SLC24A2: variants seen among roughly 807,000 people sequenced by gnomAD.
SLC24A2 encodes solute carrier family 24 member 2, also known as sodium/potassium/calcium exchanger 2.
Under a neutral mutation model 62.0 loss-of-function variants are expected in SLC24A2, and 36 were observed. The observed-to-expected ratio is 0.58, with a 90% CI of 0.44 to 0.77. SLC24A2 has a LOEUF of 0.77. Ranked by LOEUF, SLC24A2 falls within the 30% of genes least tolerant of loss-of-function variation. SLC24A2 has a pLI of 0.00. For synonymous variants in SLC24A2, 358 were observed against 294.0 expected, an observed-to-expected ratio of 1.22 and a Z score of -2.23; for missense variants, 846 against 817.9, an observed-to-expected ratio of 1.03 and a Z score of -0.42.
intron 8 of SLC24A2, among the ~76,000 whole-genome samples, chr9:19,543,531 C>T (rs573443194): frequency 1.3e-4 from 20 of 151,796 alleles, no homozygotes; most frequent in Admixed American, 4.6e-4. Flanking sequence ...GTTAGGGTGT[C>T]GATTTTAGAT....
At chr9:20,296,416 C>T in the SLC24A2 span, among the ~76,000 whole-genome samples, 1 of 152,164 alleles carries the variant, frequency 6.6e-6, no homozygotes. Context: ...TTAGAGAGCT[C>T]TAATTCATTT....
chr9:19,917,786 G>A, the SLC24A2 span, among the ~76,000 whole-genome samples: 2 of 151,964 alleles, frequency 1.3e-5, no homozygotes, highest in African/African-American at 2.4e-5. Flanking sequence ...GATATTATTT[G>A]CTTATAGTTA....
rs557652999 is a variant in SLC24A2, at chr9:19,562,111, T to C, written c.1347+11240A>G. Reference sequence around the variant, plus strand: ...TCCAACGATTCTGAGGTGCAACTTATGGATGAGACTGATTTCTTTCCATAT... The same window carrying C: ...TCCAACGATTCTGAGGTGCAACTTACGGATGAGACTGATTTCTTTCCATAT... On this transcript the variant is annotated intron_variant, in intron 7 of 10. Transcript: ENST00000341998. Among the ~76,000 whole-genome samples the C allele has an allele frequency of 4.1e-4, 63 of 152,364 alleles. 1 individual carries two copies. In the South Asian group the frequency reaches 4.1e-3, roughly 10 times the overall value.
chr9:19,750,875 C>T (rs556117029), intron 2 of SLC24A2, among the ~76,000 whole-genome samples: 1 of 152,254 alleles, frequency 6.6e-6, no homozygotes, highest in African/African-American at 2.4e-5. Flanking sequence ...AGTTCCTGTA[C>T]CTGGAATGTC....
chr9:20,272,907 G>T, the SLC24A2 span, among the ~76,000 whole-genome samples: 2 of 152,300 alleles, frequency 1.3e-5, no homozygotes, highest in African/African-American at 4.8e-5. Flanking sequence ...CTTAGGTGTT[G>T]CAAGTAAAGG....
intron 9 of SLC24A2, among the ~76,000 whole-genome samples, chr9:19,523,613 C>A (rs574727929): frequency 2.6e-5 from 4 of 152,088 alleles, no homozygotes; most frequent in Non-Finnish European, 5.9e-5. Context: ...CAGGCATCTG[C>A]CACCATGCCT....
the SLC24A2 span, among the ~76,000 whole-genome samples, chr9:20,086,693 C>T: frequency 6.6e-6 from 1 of 152,188 alleles, no homozygotes; most frequent in Non-Finnish European, 1.5e-5. Context: ...TCCTCTGTTG[C>T]CTCTTTTTGG....
chr9:19,725,541 T>G (rs1400112395), intron 2 of SLC24A2, among the ~76,000 whole-genome samples: 1 of 152,192 alleles, frequency 6.6e-6, no homozygotes, highest in Non-Finnish European at 1.5e-5. Context: ...TAAGCTATTT[T>G]CCTAGGGCTT....
chr9:20,190,695 G>GT, the SLC24A2 span, among the ~76,000 whole-genome samples: 1 of 152,032 alleles, frequency 6.6e-6, no homozygotes, highest in African/African-American at 2.4e-5. Flanking sequence ...TGCTTTTTCT[G>GT]TATTAGTCAT....
chr9:19,867,684 C>A, the SLC24A2 span, among the ~76,000 whole-genome samples: 1 of 152,096 alleles, frequency 6.6e-6, no homozygotes, highest in Non-Finnish European at 1.5e-5. Context: ...ACAAGGCAGG[C>A]AGATAACGAG....
rs190116382 is a variant in SLC24A2, at chr9:19,660,601, T to C, written c.931-38302A>G. Among the ~76,000 whole-genome samples the C allele has an allele frequency of 6.6e-5, 10 of 152,266 alleles. No individual in the cohort carries two copies. The East Asian group carries it at 1.9e-3, about 29-fold the overall frequency. ...AAGATTGAGGGAATTCTACTTCAGA[T>C]GTCTCGTGCTTTCCTGTGCAGTAAC... On this transcript the variant is annotated intron_variant, in intron 2 of 10. Transcript: ENST00000341998.
At chr9:20,143,316 A>C in the SLC24A2 span, among the ~76,000 whole-genome samples, 621 of 152,354 alleles carry the variant, frequency 4.1e-3, 5 homozygotes, top group African/African-American at 0.013. Flanking sequence ...CATAGAGAAA[A>C]GAGGAGAAAA....
the SLC24A2 span, among the ~76,000 whole-genome samples, chr9:20,248,670 T>G: frequency 1.3e-5 from 2 of 152,324 alleles, no homozygotes; most frequent in East Asian, 3.9e-4. Context: ...CATATGAATT[T>G]GGGGGGCCAC....
the SLC24A2 span, among the ~76,000 whole-genome samples, chr9:20,268,985 G>C: frequency 6.6e-6 from 1 of 152,304 alleles, no homozygotes; most frequent in East Asian, 1.9e-4. Flanking sequence ...CCCTTTTGCA[G>C]CTAAGGATTT....
chr9:19,762,374 G>A (rs1208966989), intron 2 of SLC24A2, among the ~76,000 whole-genome samples: 1 of 152,162 alleles, frequency 6.6e-6, no homozygotes, highest in Admixed American at 6.5e-5. Flanking sequence ...TAGTCATGAA[G>A]TCTTTGCCCA....
the SLC24A2 span, among the ~76,000 whole-genome samples, chr9:20,262,797 G>A: frequency 1.3e-5 from 2 of 152,276 alleles, no homozygotes; most frequent in African/African-American, 4.8e-5. Flanking sequence ...CCCACTCTCT[G>A]CCCCTCGTCA....
the SLC24A2 span, among the ~76,000 whole-genome samples, chr9:20,225,341 C>A: frequency 6.6e-6 from 1 of 151,076 alleles, no homozygotes; most frequent in African/African-American, 2.4e-5. Flanking sequence ...TCAGTAGGAG[C>A]ATGGATAAAT....
the SLC24A2 span, among the ~76,000 whole-genome samples, chr9:20,120,502 G>C: frequency 1.3e-5 from 2 of 152,086 alleles, no homozygotes; most frequent in African/African-American, 4.8e-5. Context: ...TAAACATTGA[G>C]TATACATGGA....
chr9:19,980,945 C>A, the SLC24A2 span, among the ~76,000 whole-genome samples: 1 of 152,192 alleles, frequency 6.6e-6, no homozygotes, highest in African/African-American at 2.4e-5. Context: ...AATACTACTC[C>A]TAATCACTTC....
Sources: gnomAD v4.1 joint callset for allele counts (sites outside exome capture counted in the v4.1 genomes callset) on GRCh38, gnomAD v4.1.1 for gene constraint, MANE v1.5 for transcripts, NCBI Gene and HGNC (gene_info 2026-07-23, HGNC 2026-07-21) for gene names.